The following TASP1 variants were observed in gnomAD, a reference collection of about 807,000 sequenced individuals.
TASP1 encodes the protein taspase 1.
Under a neutral mutation model 56.6 loss-of-function variants are expected in TASP1, and 16 were observed. The observed-to-expected ratio is 0.28, with a 90% CI of 0.19 to 0.43. The LOEUF (loss-of-function observed/expected upper bound fraction) is 0.43. Ranked by LOEUF, TASP1 falls within the 20% of genes least tolerant of loss-of-function variation. TASP1 has a pLI of 1.00. For synonymous variants in TASP1, 179 were observed against 184.2 expected, an observed-to-expected ratio of 0.97 and a Z score of 0.23; for missense variants, 393 against 511.6, an observed-to-expected ratio of 0.77 and a Z score of 2.24.
the TASP1 span, among the ~76,000 whole-genome samples, chr20:13,345,426 A>C: frequency 6.6e-6 from 1 of 152,198 alleles, no homozygotes; most frequent in Non-Finnish European, 1.5e-5. Flanking sequence ...GCAATGGAGA[A>C]GGGCAAATAC....
At chr20:13,635,571 A>G (rs2049275048) in intron 1 of TASP1, among the ~76,000 whole-genome samples, 2 of 151,956 alleles carry the variant, frequency 1.3e-5, no homozygotes, top group African/African-American at 4.8e-5. Context: ...TATTTTTAGT[A>G]GAGACAGGAA....
chr20:13,229,886 G>C, the TASP1 span, among the ~76,000 whole-genome samples: 1 of 152,212 alleles, frequency 6.6e-6, no homozygotes, highest in East Asian at 1.9e-4. Context: ...GTTGTGGATT[G>C]ACTCATATTT....
At chr20:13,448,929 A>G (rs2043514475) in intron 11 of TASP1, among the ~76,000 whole-genome samples, 1 of 152,098 alleles carries the variant, frequency 6.6e-6, no homozygotes, top group South Asian at 2.1e-4. Flanking sequence ...TTAGATGGCA[A>G]GTTGTCTTCG....
the TASP1 span, among the ~76,000 whole-genome samples, chr20:13,271,151 G>A: frequency 2.0e-5 from 3 of 152,208 alleles, no homozygotes; most frequent in African/African-American, 4.8e-5. Context: ...TTGGGCAAAT[G>A]TTTTCAAATA....
chr20:13,363,221 G>A, the TASP1 span, among the ~76,000 whole-genome samples: 2 of 152,036 alleles, frequency 1.3e-5, no homozygotes, highest in Admixed American at 1.3e-4. Context: ...TACAAGCTTG[G>A]AACTTTCAGC....
chr20:13,605,467 C>T (rs1220921970), intron 4 of TASP1, among the ~76,000 whole-genome samples: 4 of 152,058 alleles, frequency 2.6e-5, no homozygotes, highest in African/African-American at 9.7e-5. Context: ...CACTCAAGGT[C>T]GGCGGTTTGA....
chr20:13,109,972 C>T, the TASP1 span: 8 of 639,884 alleles, frequency 1.3e-5, no homozygotes, highest in African/African-American at 1.8e-5. Flanking sequence ...GTCTCTCTCT[C>T]CCTAAGGGTT....
intron 3 of TASP1, 104 bp from the exon 4 acceptor site, chr20:13,623,618 C>T: frequency 4.9e-6 from 4 of 823,030 alleles, no homozygotes; most frequent in Non-Finnish European, 8.0e-6. Flanking sequence ...TAAAAATTGA[C>T]CACTAGTTCC....
chr20:13,500,092 C>T (rs1384937230), intron 10 of TASP1, among the ~76,000 whole-genome samples: 2 of 151,274 alleles, frequency 1.3e-5, no homozygotes, highest in Admixed American at 1.3e-4. Flanking sequence ...TGTGACATAT[C>T]CATGTAACAA....
the TASP1 span, among the ~76,000 whole-genome samples, chr20:13,311,798 G>A: frequency 8.6e-3 from 1,304 of 152,262 alleles, 28 homozygotes; most frequent in African/African-American, 0.029. Flanking sequence ...GTAAAGGGGT[G>A]TGGAAAGGGG....
the TASP1 span, among the ~76,000 whole-genome samples, chr20:13,340,803 A>T: frequency 1.3e-5 from 2 of 152,152 alleles, no homozygotes; most frequent in African/African-American, 4.8e-5. Context: ...ACTGAAATCA[A>T]CTTCAGTAAT....
intron 4 of TASP1, chr20:13,614,823 C>T (rs1380573644): frequency 2.1e-6 from 1 of 469,962 alleles, no homozygotes; most frequent in Non-Finnish European, 4.4e-6. Context: ...TTTATGATGT[C>T]CAGGAAGAGG....
chr20:13,412,478 G>A (rs184281141), intron 13 of TASP1, among the ~76,000 whole-genome samples: 1 of 152,242 alleles, frequency 6.6e-6, no homozygotes, highest in East Asian at 1.9e-4. Flanking sequence ...ACATAGTTGG[G>A]AGTAGAAGCA....
chr20:13,623,404 T>C, intron 4 of TASP1, 42 bp downstream of exon 4: 1 of 1,529,794 alleles, frequency 6.5e-7, no homozygotes, highest in East Asian at 2.3e-5. Flanking sequence ...ACAATAAAGA[T>C]AAACTCACAA....
chr20:13,154,256 C>A, the TASP1 span: 1 of 1,323,798 alleles, frequency 7.6e-7, no homozygotes, highest in Non-Finnish European at 1.0e-6. Context: ...AGAATTCACT[C>A]GTACGGCTTC....
At chr20:13,500,294 C>G (rs942554567) in intron 10 of TASP1, among the ~76,000 whole-genome samples, 1 of 141,542 alleles carries the variant, frequency 7.1e-6, no homozygotes, top group Non-Finnish European at 1.5e-5. Context: ...ATTTGTCATA[C>G]TAGATGCATG....
At chr20:13,498,805 A>C (rs1340313160) in intron 10 of TASP1, among the ~76,000 whole-genome samples, 2 of 152,104 alleles carry the variant, frequency 1.3e-5, no homozygotes, top group African/African-American at 2.4e-5. Flanking sequence ...GCAAAAAAAA[A>C]AAAAAAAAGG....
At chr20:13,106,547 G>C in the TASP1 span, among the ~76,000 whole-genome samples, 2 of 152,204 alleles carry the variant, frequency 1.3e-5, no homozygotes, top group African/African-American at 4.8e-5. Flanking sequence ...AGGAGGCTGT[G>C]TGTTGGGGGA....
rs780776324 is a variant in TASP1, at chr20:13,566,555, GA to G, written c.568+2951del. Among the ~76,000 whole-genome samples, 132 of 134,336 alleles carry G rather than the reference GA, an allele frequency of 9.8e-4. No homozygotes were observed. The Middle Eastern group carries it at 0.015, about 15-fold the overall frequency. 88.1% of individuals were successfully genotyped at this position (134,336 alleles called of 152,430 possible). A position where few individuals can be genotyped will look rare whatever the true frequency, so the allele number is the denominator to read the frequency against. ...TCTCCAGAGAGTTATAGTGAGGAAG[GA>G]AAAAAAAAAAAGCAAATACCAAAAG... is the stretch of plus-strand genomic sequence containing the variant. On this transcript the variant is annotated intron_variant, in intron 7 of 13. Coordinates refer to ENST00000337743, the MANE Select transcript of TASP1 (RefSeq NM_017714.3).
Sources: allele counts gnomAD v4.1 joint callset (sites outside exome capture counted in the v4.1 genomes callset), GRCh38; gene constraint gnomAD v4.1.1; transcripts MANE v1.5; gene names NCBI Gene and HGNC (gene_info 2026-07-23, HGNC 2026-07-21).